Variants in LCORL observed in about 807,000 individuals in gnomAD.
LCORL encodes ligand dependent nuclear receptor corepressor like, also known as ligand-dependent nuclear receptor corepressor-like protein.
Under a neutral mutation model 141.8 loss-of-function variants are expected in LCORL, and 41 were observed. The ratio of observed to expected loss-of-function variants is 0.29; its 90% confidence interval spans 0.23 to 0.38. LCORL has a LOEUF of 0.38. Ranked by LOEUF, LCORL falls within the 10% of genes least tolerant of loss-of-function variation. The probability of loss-of-function intolerance (pLI) is 1.00; values close to 1 mark genes in which losing one functional copy is unlikely to be tolerated. For synonymous variants in LCORL, 618 were observed against 694.1 expected (o/e 0.89, Z 1.72); for missense variants, 1,759 against 2,035.0 (o/e 0.86, Z 2.61).
intron 4 of LCORL, among the ~76,000 whole-genome samples, chr4:17,935,439 G>T (rs1736693059): frequency 6.6e-6 from 1 of 152,178 alleles, no homozygotes; most frequent in Non-Finnish European, 1.5e-5. Flanking sequence ...GACCTTCAAT[G>T]TTGGAGATGG....
At chr4:17,930,245 G>A (rs1735791611) in intron 4 of LCORL, among the ~76,000 whole-genome samples, 1 of 152,222 alleles carries the variant, frequency 6.6e-6, no homozygotes, top group Non-Finnish European at 1.5e-5. Context: ...TAGAATGCCT[G>A]TAGCCCCAGC....
chr4:17,916,641 GTC>G (rs1166823568), intron 4 of LCORL, among the ~76,000 whole-genome samples: 1 of 135,382 alleles, frequency 7.4e-6, no homozygotes, highest in Non-Finnish European at 1.6e-5. Flanking sequence ...CCAATTAAAT[GTC>G]TTTTTTTTTT....
intron 7 of LCORL, among the ~76,000 whole-genome samples, chr4:17,865,293 C>T (rs188097220): frequency 6.6e-6 from 1 of 152,238 alleles, no homozygotes; most frequent in Admixed American, 6.5e-5. Context: ...AAATCACAAA[C>T]AGTATATTAG....
chr4:17,876,237 T>G, exon 7 of LCORL: 1 of 1,231,042 alleles, frequency 8.1e-7, no homozygotes, highest in Non-Finnish European at 1.0e-6. Flanking sequence ...TTCAAGTCTT[T>G]TGTTATTCAA....
chr4:17,873,342 A>T, intron 7 of LCORL, 46 bp downstream of exon 7: 1 of 1,144,372 alleles, frequency 8.7e-7, no homozygotes, highest in East Asian at 3.2e-5. Context: ...TACTTTACTC[A>T]AGGCACCTAC....
intron 5 of LCORL, among the ~76,000 whole-genome samples, chr4:17,892,716 G>A (rs1473907659): frequency 6.6e-6 from 1 of 152,100 alleles, no homozygotes; most frequent in African/African-American, 2.4e-5. Context: ...ATTAAAATAA[G>A]GCTTCAACAT....
chr4:17,848,509 C>A (rs547674550), intron 7 of LCORL, among the ~76,000 whole-genome samples: 1 of 152,274 alleles, frequency 6.6e-6, no homozygotes, highest in South Asian at 2.1e-4. Context: ...GCCACCACAC[C>A]CAAATAATTT....
intron 1 of LCORL, among the ~76,000 whole-genome samples, chr4:18,006,535 C>T (rs934759457): frequency 6.6e-6 from 1 of 152,076 alleles, no homozygotes; most frequent in Non-Finnish European, 1.5e-5. Flanking sequence ...CAAGACTGGG[C>T]AATTTACAAA....
chr4:17,877,868 T>G, exon 7 of LCORL: 1 of 1,230,728 alleles, frequency 8.1e-7, no homozygotes, highest in Non-Finnish European at 1.0e-6. Context: ...CAGTTACAGT[T>G]TGGCAAGATA....
At chr4:17,876,739 T>G (rs1726965895) in exon 7 of LCORL, 1 of 1,230,852 alleles carries the variant, frequency 8.1e-7, no homozygotes, top group Non-Finnish European at 1.0e-6. Context: ...AACTTTGGAT[T>G]TTTCCTATCA....
rs532332353 is a variant in LCORL, at chr4:18,017,934, T to C, written c.154+3664A>G. 3.3e-5 allele frequency among the ~76,000 whole-genome samples: 5 copies of C among 152,256 alleles called. No homozygotes were observed. The South Asian group carries it at 8.3e-4, about 25-fold the overall frequency. On this transcript the variant is annotated intron_variant, in intron 1 of 7. Transcript: ENST00000635767. ...TTAGGGGTAAAGAGGTTGATGTCTC[T>C]GAATTACTCTCAAACTGTTCTGAAA... is the stretch of plus-strand genomic sequence containing the variant.
At chr4:17,892,269 C>T (rs1290944633) in intron 5 of LCORL, among the ~76,000 whole-genome samples, 3 of 145,710 alleles carry the variant, frequency 2.1e-5, no homozygotes, top group Non-Finnish European at 3.0e-5. Context: ...AGTGCAGTGG[C>T]ACAATCTCGG....
At chr4:17,921,003 A>G (rs775158046) in intron 4 of LCORL, among the ~76,000 whole-genome samples, 1 of 152,102 alleles carries the variant, frequency 6.6e-6, no homozygotes, top group Non-Finnish European at 1.5e-5. Flanking sequence ...TCCTCCCATG[A>G]ATCAGTAATG....
intron 4 of LCORL, among the ~76,000 whole-genome samples, chr4:17,922,966 G>A (rs1036558596): frequency 4.6e-5 from 7 of 152,158 alleles, no homozygotes; most frequent in African/African-American, 1.7e-4. Context: ...CAAAAGTGAT[G>A]GCCCCCCCAA....
At chr4:17,857,282 G>C (rs1724468218) in intron 7 of LCORL, among the ~76,000 whole-genome samples, 1 of 152,062 alleles carries the variant, frequency 6.6e-6, no homozygotes, top group Non-Finnish European at 1.5e-5. Flanking sequence ...GGAGAAAGGA[G>C]AGAGAAGGAG....
At position 17,882,617 on chromosome 4, in the gene LCORL, A is replaced by C. The variant is rs1053772214; in HGVS notation, c.776+3451T>G. The stretch of plus-strand genomic sequence containing the variant: ...CTATTCAAGACCCTGAACAAACTGC[A>C]AATTTGGTTATTAGCAAAATGATAA... On this transcript the variant is annotated intron_variant, in intron 6 of 7. Coordinates refer to ENST00000635767, the Ensembl canonical transcript of LCORL. The C allele has an allele frequency of 2.1e-5, 21 of 984,322 alleles. No individual in the cohort carries two copies. The African/African-American group carries it at 3.7e-4, about 17-fold the overall frequency. The allele number at this position is 984,322 out of a possible 1,614,324, so 61.0% of individuals were successfully genotyped here.
chr4:17,887,994 C>G (rs1424050341), intron 5 of LCORL, among the ~76,000 whole-genome samples: 1 of 152,020 alleles, frequency 6.6e-6, no homozygotes, highest in Non-Finnish European at 1.5e-5. Context: ...GTTGGCTGAT[C>G]ATCATAATAG....
Position 17,883,796 on chromosome 4 carries a change from C to T in LCORL, c.776+2272G>A, listed in dbSNP as rs1398793805. On this transcript the variant is annotated intron_variant, in intron 6 of 7. Transcript: ENST00000635767. Reference sequence around the variant, plus strand: ...ATTATATAACCCAGTGTCTGGTAATCGTAGTTTCTTCTTCGGAGGAGTCTT... The same window carrying T: ...ATTATATAACCCAGTGTCTGGTAATTGTAGTTTCTTCTTCGGAGGAGTCTT... The T allele has an allele frequency of 4.5e-6, 7 of 1,550,424 alleles. No individual in the cohort carries two copies. In the African/African-American group the frequency reaches 5.5e-5, roughly 12 times the overall value.
intron 4 of LCORL, among the ~76,000 whole-genome samples, chr4:17,914,482 T>G (rs1227249647): frequency 6.6e-6 from 1 of 152,224 alleles, no homozygotes; most frequent in Non-Finnish European, 1.5e-5. Context: ...CCACTCACTT[T>G]TTGTCCCTTT....
Sources: gnomAD v4.1 joint callset for allele counts (sites outside exome capture counted in the v4.1 genomes callset) on GRCh38, gnomAD v4.1.1 for gene constraint, MANE v1.5 for transcripts, NCBI Gene and HGNC (gene_info 2026-07-23, HGNC 2026-07-21) for gene names.